Variants in XIRP2 observed in about 807,000 individuals in gnomAD.
XIRP2 encodes the protein xin actin-binding repeat-containing protein 2.
In XIRP2, 236 loss-of-function variants were observed where a neutral mutation model predicts 277.0. That is an observed-to-expected ratio of 0.85 (90% CI 0.77 to 0.95). The LOEUF is 0.95. Among genes scored for constraint, XIRP2 ranks in the 40% least tolerant of loss-of-function variants. The pLI is 0.00. For synonymous variants in XIRP2, 1,490 were observed against 1,416.5 expected (o/e 1.05, Z -1.17); for missense variants, 4,640 against 4,157.5 (o/e 1.12, Z -3.19).
chr2:167,249,821 C>G lies in XIRP2; in HGVS notation c.8429C>G (p.Ser2810Cys). 3 of 1,613,328 alleles carry G rather than the reference C, an allele frequency of 1.9e-6. No individual in the cohort carries two copies. The highest frequency in any genetic ancestry group is 2.5e-6 in the Non-Finnish European group (3 of 1,179,716). ...AGGAAGCAAAGAGAATTTAGCGGAT[C>G]TGACAGAGGGAAACTTCCAGGAAGT... is the stretch of plus-strand genomic sequence containing the variant. ...VPRKQREFSG[S>C]DRGKLPGSEE... The change falls in exon 9 of 11, where the codon TCT becomes TGT. Residue 2810 changes from serine (S) to cysteine (C), a missense_variant. By Grantham distance (112) the Ser-to-Cys change is moderately radical. Transcript: ENST00000409195.
At position 167,028,180 on chromosome 2, in the gene XIRP2, C is replaced by T. The variant is rs534624587; in HGVS notation, c.409-107729C>T. 5.1e-4 allele frequency among the ~76,000 whole-genome samples: 78 copies of T among 152,082 alleles called. 1 individual carries two copies. Among genetic ancestry groups the T allele is most frequent in the African/African-American group, 1.6e-3 (67 of 41,514 alleles). ...AACATAAGAAAATATTTACTCTAAG[C>T]CAGGCATTGTATTAAGCAGTTTATT... On this transcript the variant is annotated intron_variant, in intron 2 of 10. Transcript: ENST00000409195.
intron 3 of XIRP2, among the ~76,000 whole-genome samples, chr2:167,182,915 T>C (rs1693055899): frequency 6.6e-6 from 1 of 152,158 alleles, no homozygotes; most frequent in African/African-American, 2.4e-5. Flanking sequence ...TGTTGGTCTT[T>C]TATGTCAAAG....
intron 2 of XIRP2, among the ~76,000 whole-genome samples, chr2:166,945,102 G>C (rs1311463612): frequency 6.6e-6 from 1 of 152,026 alleles, no homozygotes; most frequent in Non-Finnish European, 1.5e-5. Context: ...CCTCCATTAG[G>C]CTCAGGATAC....
intron 2 of XIRP2, among the ~76,000 whole-genome samples, chr2:167,018,376 C>A (rs747960806): frequency 1.3e-5 from 2 of 151,700 alleles, no homozygotes; most frequent in Non-Finnish European, 2.9e-5. Flanking sequence ...GAGAAGCAGA[C>A]ATCAAAACAG....
chr2:167,032,908 C>A (rs950685386), intron 2 of XIRP2, among the ~76,000 whole-genome samples: 6 of 152,014 alleles, frequency 3.9e-5, no homozygotes, highest in African/African-American at 1.4e-4. Context: ...GATCTAGAAC[C>A]AGTAATACCA....
At chr2:167,060,996 G>A (rs1390255569) in intron 2 of XIRP2, among the ~76,000 whole-genome samples, 1 of 151,938 alleles carries the variant, frequency 6.6e-6, no homozygotes, top group Non-Finnish European at 1.5e-5. Context: ...TCCTATTTAT[G>A]CTTATATATC....
chr2:167,108,887 G>A (rs1283561848), intron 2 of XIRP2, among the ~76,000 whole-genome samples: 1 of 151,584 alleles, frequency 6.6e-6, no homozygotes, highest in African/African-American at 2.4e-5. Flanking sequence ...TTTATTTTAG[G>A]TTCAGAGGTA....
intron 2 of XIRP2, among the ~76,000 whole-genome samples, chr2:167,113,903 C>T (rs777707030): frequency 2.3e-4 from 35 of 152,230 alleles, no homozygotes; most frequent in Admixed American, 5.9e-4. Flanking sequence ...TATGAAGCTT[C>T]GTTTGGCTGG....
chr2:167,089,187 G>C lies in XIRP2; in HGVS notation c.409-46722G>C, dbSNP rs565797791. Among the ~76,000 whole-genome samples, 17 of 152,248 alleles carry C rather than the reference G, an allele frequency of 1.1e-4. No homozygotes were observed. The South Asian group carries it at 3.5e-3, about 32-fold the overall frequency. On this transcript the variant is annotated intron_variant, in intron 2 of 10. Transcript: ENST00000409195. ...TGTCACAGTTCCAGCATCACATGTA[G>C]AGAGGACAATGTCCAGAGGAAGAAA...
intron 2 of XIRP2, among the ~76,000 whole-genome samples, chr2:166,908,069 A>G (rs1488331522): frequency 3.3e-5 from 5 of 152,114 alleles, no homozygotes; most frequent in African/African-American, 1.2e-4. Flanking sequence ...GTGCCGCAGT[A>G]AACATATGTG....
At chr2:167,095,134 G>T (rs919400498) in intron 2 of XIRP2, among the ~76,000 whole-genome samples, 1 of 152,076 alleles carries the variant, frequency 6.6e-6, no homozygotes, top group Non-Finnish European at 1.5e-5. Context: ...TTGATGTATA[G>T]GAATGCTTGT....
At chr2:167,221,067 T>C (rs541790642) in intron 5 of XIRP2, among the ~76,000 whole-genome samples, 3 of 152,240 alleles carry the variant, frequency 2.0e-5, no homozygotes, top group East Asian at 1.9e-4. Flanking sequence ...AGTTAAGCCA[T>C]AATGCAAGGC....
chr2:167,152,743 TATA>T lies in XIRP2; in HGVS notation c.562+16686_562+16688del, dbSNP rs1692053064. On this transcript the variant is annotated intron_variant, in intron 3 of 10. Transcript: ENST00000409195. Reference sequence around the variant, plus strand: ...CAATGCTAGACAGGTGAGCAGTCATTATAATAAGGGAACAGAAGCCCATTGAGA... The same window carrying T: ...CAATGCTAGACAGGTGAGCAGTCATTATAAGGGAACAGAAGCCCATTGAGA... Among the ~76,000 whole-genome samples the T allele has an allele frequency of 2.0e-5, 3 of 152,170 alleles. No individual in the cohort carries two copies. In the South Asian group the frequency reaches 6.2e-4, roughly 32 times the overall value.
chr2:166,944,753 G>A (rs1022329209), intron 2 of XIRP2, among the ~76,000 whole-genome samples: 3 of 152,032 alleles, frequency 2.0e-5, no homozygotes, highest in Non-Finnish European at 2.9e-5. Context: ...TATGACCTAG[G>A]TGTTATTACT....
rs772561115 is a variant in XIRP2 at position 167,249,751 on chromosome 2, G to T, written c.8359G>T (p.Glu2787Ter). Residue 2787 changes from glutamate to a stop codon, truncating the protein, a stop_gained, in exon 9 of 11, where the codon GAA becomes TAA. Coordinates refer to ENST00000409195, the MANE Select transcript of XIRP2 (RefSeq NM_152381.6). LOFTEE classifies it high-confidence loss of function. Reference sequence around the variant, plus strand: ...AAGAGTGACAGTACAATTGCCTACAGAATCCATACAGAAGAACCAGGAAGA... The same window carrying T: ...AAGAGTGACAGTACAATTGCCTACATAATCCATACAGAAGAACCAGGAAGA... ...EKRVTVQLPT[E>*]SIQKNQEDKL... The T allele has an allele frequency of 6.2e-7, 1 of 1,613,270 alleles. No individual in the cohort carries two copies. Among genetic ancestry groups the T allele is most frequent in the Admixed American group, 1.7e-5 (1 of 59,942 alleles).
At chr2:166,998,443 C>T (rs569062437) in intron 2 of XIRP2, among the ~76,000 whole-genome samples, 2 of 152,130 alleles carry the variant, frequency 1.3e-5, no homozygotes, top group African/African-American at 2.4e-5. Flanking sequence ...CGAGACCATC[C>T]TGGCTAACAC....
chr2:167,027,953 A>G (rs897930935), intron 2 of XIRP2, among the ~76,000 whole-genome samples: 1 of 152,090 alleles, frequency 6.6e-6, no homozygotes, highest in African/African-American at 2.4e-5. Flanking sequence ...CAATAAATGT[A>G]CAGTGAGAAG....
intron 2 of XIRP2, among the ~76,000 whole-genome samples, chr2:167,078,565 G>T (rs1275035998): frequency 1.3e-5 from 2 of 152,072 alleles, no homozygotes; most frequent in African/African-American, 4.8e-5. Flanking sequence ...GGCCGGGAGT[G>T]GTGGCTCACG....
chr2:167,247,727 A>G lies in XIRP2; in HGVS notation c.6335A>G (p.Asn2112Ser). 6.2e-7 allele frequency: 1 copy of G among 1,613,692 alleles called. No individual in the cohort carries two copies. Among genetic ancestry groups the G allele is most frequent in the South Asian group, 1.1e-5 (1 of 91,080 alleles). Residue 2112 changes from asparagine to serine, a missense_variant, in exon 9 of 11, where the codon AAT becomes AGT. Asn to Ser is a conservative substitution (Grantham distance 46). Transcript: ENST00000409195. ...GAGCTGAAGAAGGATGATGTCTTTA[A>G]TTCCATCCAATCTGCTGGTAAAACC... ...VRELKKDDVF[N>S]SIQSAGKTVG...
Sources: gnomAD v4.1 joint callset for allele counts (sites outside exome capture counted in the v4.1 genomes callset) on GRCh38, gnomAD v4.1.1 for gene constraint, MANE v1.5 for transcripts, NCBI Gene and HGNC (gene_info 2026-07-23, HGNC 2026-07-21) for gene names.